PDCD10: variants seen among roughly 807,000 people sequenced by gnomAD.
The protein encoded by PDCD10 is programmed cell death 10.
In PDCD10, 4 loss-of-function variants were observed where a neutral mutation model predicts 29.2. The ratio of observed to expected loss-of-function variants is 0.14; its 90% CI spans 0.07 to 0.31. The LOEUF is 0.31. Ranked by LOEUF, PDCD10 falls within the 10% of genes least tolerant of loss-of-function variation. The pLI, the probability that PDCD10 is intolerant of heterozygous loss-of-function variation, is 1.00. For synonymous variants in PDCD10, 70 were observed against 82.2 expected (o/e 0.85, Z 0.80); for missense variants, 183 against 257.9 (o/e 0.71, Z 1.99).
At chr3:167,709,357 C>A (rs1722299702) in intron 3 of PDCD10, among the ~76,000 whole-genome samples, 1 of 152,138 alleles carries the variant, frequency 6.6e-6, no homozygotes, top group Admixed American at 6.6e-5. Context: ...CATCTTGAAA[C>A]ACTGATGCCA....
intron 4 of PDCD10, among the ~76,000 whole-genome samples, chr3:167,702,443 T>C (rs1422340313): frequency 4.6e-5 from 7 of 152,220 alleles, no homozygotes; most frequent in Non-Finnish European, 7.4e-5. Flanking sequence ...ACAAAACATA[T>C]GTTAATCAAC....
intron 2 of PDCD10, among the ~76,000 whole-genome samples, chr3:167,730,515 A>G (rs1245471974): frequency 6.6e-6 from 1 of 152,196 alleles, no homozygotes; most frequent in Non-Finnish European, 1.5e-5. Flanking sequence ...CTGACTTTTT[A>G]AAAAGTAAGT....
intron 6 of PDCD10, among the ~76,000 whole-genome samples, chr3:167,691,679 C>T (rs112004855): frequency 8.5e-5 from 13 of 152,302 alleles, no homozygotes; most frequent in African/African-American, 2.9e-4. Context: ...ATCTCTCTCA[C>T]GTACTGGCAT....
intron 3 of PDCD10, among the ~76,000 whole-genome samples, chr3:167,719,341 T>G (rs1328931505): frequency 6.6e-6 from 1 of 152,146 alleles, no homozygotes; most frequent in African/African-American, 2.4e-5. Flanking sequence ...TAGGTAATTT[T>G]AGGAAAATAA....
rs1217949214 is a variant in PDCD10, at chr3:167,699,398, C to G, written c.151-2272G>C. ...AATTTTAAAATACTTCGTGGCACCC[C>G]TCTGAATTTGCTATGGGCCACCAGG... is the stretch of plus-strand genomic sequence containing the variant. On this transcript the variant is annotated intron_variant, in intron 4 of 8. Coordinates refer to ENST00000392750, the MANE Select transcript of PDCD10 (RefSeq NM_007217.4). Among the ~76,000 whole-genome samples, 4 of 152,174 alleles carry G rather than the reference C, an allele frequency of 2.6e-5. No homozygotes were observed. In the East Asian group the frequency reaches 7.7e-4, roughly 29 times the overall value.
intron 6 of PDCD10, among the ~76,000 whole-genome samples, chr3:167,688,557 C>T (rs764331242): frequency 6.6e-6 from 1 of 152,024 alleles, no homozygotes; most frequent in Admixed American, 6.6e-5. Flanking sequence ...TCTAACTAGC[C>T]CCTTTTGATT....
Position 167,704,781 on chromosome 3 carries a change from T to C in PDCD10, c.150+61A>G, listed in dbSNP as rs912252314. ...AGAAAATAAACTGGCAACCATCACA[T>C]GTACTTACATTTACAAAGAACATAC... On this transcript the variant is annotated intron_variant, in intron 4 of 8. Coordinates refer to ENST00000392750, the MANE Select transcript of PDCD10 (RefSeq NM_007217.4). 8.8e-6 allele frequency: 10 copies of C among 1,137,906 alleles called. No homozygotes were observed. The East Asian group carries it at 1.6e-4, about 19-fold the overall frequency. 70.5% of individuals were successfully genotyped at this position (1,137,906 alleles called of 1,614,324 possible). A position where few individuals can be genotyped will look rare whatever the true frequency, so the allele number is the denominator to read the frequency against.
intron 2 of PDCD10, among the ~76,000 whole-genome samples, chr3:167,728,882 C>G (rs185739501): frequency 5.8e-4 from 88 of 152,322 alleles, no homozygotes; most frequent in African/African-American, 2.1e-3. Context: ...CACACTGCCA[C>G]TTGGCATTAA....
At chr3:167,704,735 G>T in intron 4 of PDCD10, 107 bp downstream of exon 4, 1 of 774,768 alleles carries the variant, frequency 1.3e-6, no homozygotes, top group Non-Finnish European at 2.3e-6. Context: ...GCATAAGATG[G>T]CTAAAAAGGC....
intron 3 of PDCD10, among the ~76,000 whole-genome samples, chr3:167,707,086 A>G (rs141747547): frequency 1.3e-5 from 2 of 152,318 alleles, no homozygotes; most frequent in African/African-American, 4.8e-5. Flanking sequence ...GAGTTCCTAC[A>G]TGTACAACGT....
chr3:167,707,238 A>ATCT (rs1722065532), intron 3 of PDCD10, among the ~76,000 whole-genome samples: 1 of 152,210 alleles, frequency 6.6e-6, no homozygotes, highest in Non-Finnish European at 1.5e-5. Flanking sequence ...CCCACTTAGA[A>ATCT]GTTTCTTCAG....
chr3:167,689,995 C>A (rs1386544829), intron 6 of PDCD10, among the ~76,000 whole-genome samples: 1 of 152,000 alleles, frequency 6.6e-6, no homozygotes, highest in African/African-American at 2.4e-5. Flanking sequence ...TTGTTTCCTA[C>A]GAGAGAAAAT....
intron 3 of PDCD10, among the ~76,000 whole-genome samples, chr3:167,715,842 G>C (rs1012904349): frequency 6.6e-6 from 1 of 151,918 alleles, no homozygotes; most frequent in African/African-American, 2.4e-5. Context: ...CCACTATGGA[G>C]AACAGTTTGG....
At chr3:167,701,453 C>T (rs1380775697) in intron 4 of PDCD10, among the ~76,000 whole-genome samples, 27 of 152,298 alleles carry the variant, frequency 1.8e-4, no homozygotes, top group Admixed American at 1.6e-3. Context: ...TTCAGCCTCC[C>T]AAAGTGCTAG....
intron 2 of PDCD10, among the ~76,000 whole-genome samples, chr3:167,725,845 G>C (rs928271374): frequency 1.6e-4 from 22 of 138,398 alleles, no homozygotes; most frequent in African/African-American, 5.8e-4. Context: ...AATTTGTGCA[G>C]AAAGATACAG....
At chr3:167,687,757 T>C (rs1232819448) in intron 6 of PDCD10, 64 bp from the exon 7 acceptor site, 7 of 847,614 alleles carry the variant, frequency 8.3e-6, no homozygotes, top group Non-Finnish European at 1.4e-5. Context: ...GAAAAGAACA[T>C]CAGCTACATT....
At position 167,715,830 on chromosome 3, in the gene PDCD10, A is replaced by C. The variant is rs180828682; in HGVS notation, c.96+4232T>G. Among the ~76,000 whole-genome samples the C allele has an allele frequency of 2.3e-3, 348 of 152,168 alleles. 2 individuals are homozygous for C. Among genetic ancestry groups the C allele is most frequent in the African/African-American group, 7.8e-3 (325 of 41,550 alleles). On this transcript the variant is annotated intron_variant, in intron 3 of 8. Transcript: ENST00000392750. ...TGTTGGCTGGAATGTAAATTAGTAC[A>C]ACCACTATGGAGAACAGTTTGGAGG...
chr3:167,698,638 G>A (rs1368250158), intron 4 of PDCD10, among the ~76,000 whole-genome samples: 2 of 152,180 alleles, frequency 1.3e-5, no homozygotes, highest in African/African-American at 4.8e-5. Context: ...CATTAATGCG[G>A]TGAACTGCCA....
At chr3:167,720,701 C>T (rs1172045437) in intron 2 of PDCD10, among the ~76,000 whole-genome samples, 1 of 151,944 alleles carries the variant, frequency 6.6e-6, no homozygotes, top group African/African-American at 2.4e-5. Context: ...ATCGAAGAAT[C>T]AATAAAGAAG....
Sources: gnomAD v4.1 joint callset for allele counts (sites outside exome capture counted in the v4.1 genomes callset) on GRCh38, gnomAD v4.1.1 for gene constraint, MANE v1.5 for transcripts, NCBI Gene and HGNC (gene_info 2026-07-23, HGNC 2026-07-21) for gene names.